FHIT: variants seen among roughly 807,000 people sequenced by gnomAD.
The protein encoded by FHIT is fragile histidine triad diadenosine triphosphatase.
A neutral mutation model predicts 17.9 loss-of-function variants in FHIT; 19 were observed. That is an observed-to-expected ratio of 1.06 (90% CI 0.74 to 1.56). The LOEUF is 1.56. Among genes scored for constraint, FHIT ranks in the 40% most tolerant of loss-of-function variants. FHIT has a pLI of 0.00. For missense variants in FHIT, 248 were observed against 189.2 expected, an observed-to-expected ratio of 1.31 and a Z score of -1.82; for synonymous variants, 81 against 69.7, an observed-to-expected ratio of 1.16 and a Z score of -0.81.
intron 3 of FHIT, among the ~76,000 whole-genome samples, chr3:60,885,504 T>A (rs987410127): frequency 3.9e-5 from 6 of 152,190 alleles, no homozygotes; most frequent in Admixed American, 2.6e-4. Context: ...ATAAGTATTT[T>A]AAAATATAAA....
intron 7 of FHIT, among the ~76,000 whole-genome samples, chr3:59,992,515 G>A (rs1699327677): frequency 6.6e-6 from 1 of 152,036 alleles, no homozygotes; most frequent in Admixed American, 6.6e-5. Flanking sequence ...AGGATTTTCA[G>A]AAACCTGCTA....
At chr3:59,860,484 G>A (rs1702359302) in intron 8 of FHIT, among the ~76,000 whole-genome samples, 1 of 152,198 alleles carries the variant, frequency 6.6e-6, no homozygotes, top group Non-Finnish European at 1.5e-5. Context: ...AAATTTTGAA[G>A]TGTTAGGTGT....
chr3:60,441,788 A>ATATATATATATT (rs2030882173), intron 5 of FHIT, among the ~76,000 whole-genome samples: 1 of 12,332 alleles, frequency 8.1e-5, no homozygotes, highest in Admixed American at 1.4e-3. Context: ...ATAAAAATAT[A>ATATATATATATT]TATATATATA....
At chr3:60,487,193 T>G (rs1048622482) in intron 5 of FHIT, among the ~76,000 whole-genome samples, 3 of 152,024 alleles carry the variant, frequency 2.0e-5, no homozygotes, top group Admixed American at 2.0e-4. Flanking sequence ...CTAGGCAAGT[T>G]AAAGTGCTGC....
At chr3:59,761,425 A>G (rs1701506757) in intron 8 of FHIT, among the ~76,000 whole-genome samples, 1 of 152,130 alleles carries the variant, frequency 6.6e-6, no homozygotes, top group Non-Finnish European at 1.5e-5. Context: ...ACTGAACCCT[A>G]TGTATGCTCT....
chr3:61,176,002 C>T (rs1052143933), intron 2 of FHIT, among the ~76,000 whole-genome samples: 2 of 152,226 alleles, frequency 1.3e-5, no homozygotes, highest in Admixed American at 1.3e-4. Context: ...CTTTTCTCAT[C>T]TTTGCATAAG....
rs192640767 is a variant in FHIT at position 61,123,161 on chromosome 3, C to T, written c.-164+77456G>A. 5.5e-3 allele frequency among the ~76,000 whole-genome samples: 838 copies of T among 152,192 alleles called. 8 individuals carry two copies. The highest frequency in any genetic ancestry group is 0.031 in the Middle Eastern group (9 of 294). On this transcript the variant is annotated intron_variant, in intron 2 of 9. Transcript: ENST00000492590. ...TGTGGCACATATACACCATGGAATA[C>T]GATGCAGCCATAAAAAAGGATGAGT...
intron 5 of FHIT, among the ~76,000 whole-genome samples, chr3:60,071,771 G>A (rs2630203): frequency 0.32 from 48,759 of 151,992 alleles, 8,542 homozygotes; most frequent in African/African-American, 0.45. Flanking sequence ...CATAATTCCC[G>A]TATGTTATGA....
chr3:61,230,578 TCA>T (rs2040075648), intron 1 of FHIT, among the ~76,000 whole-genome samples: 1 of 152,122 alleles, frequency 6.6e-6, no homozygotes, highest in Non-Finnish European at 1.5e-5. Flanking sequence ...CCTAATATCA[TCA>T]CACACTTAAA....
chr3:60,925,972 A>G (rs1434857287), intron 3 of FHIT, among the ~76,000 whole-genome samples: 2 of 152,232 alleles, frequency 1.3e-5, no homozygotes, highest in African/African-American at 4.8e-5. Flanking sequence ...CCATTACATA[A>G]TGGTAAAGGG....
chr3:60,279,821 G>C (rs1033579072), intron 5 of FHIT, among the ~76,000 whole-genome samples: 1 of 151,988 alleles, frequency 6.6e-6, no homozygotes, highest in Non-Finnish European at 1.5e-5. Flanking sequence ...CAGGAGGTCA[G>C]GAGATCAAGA....
intron 8 of FHIT, among the ~76,000 whole-genome samples, chr3:59,892,194 T>A (rs1212673210): frequency 6.6e-6 from 1 of 152,170 alleles, no homozygotes; most frequent in African/African-American, 2.4e-5. Flanking sequence ...GGGAGGGACA[T>A]AGCTGGTCAA....
intron 4 of FHIT, among the ~76,000 whole-genome samples, chr3:60,595,051 G>T (rs545616287): frequency 6.6e-6 from 1 of 152,060 alleles, no homozygotes; most frequent in Non-Finnish European, 1.5e-5. Flanking sequence ...GTCCCAAGGC[G>T]TCTACCTGGC....
chr3:60,578,553 A>G (rs1553658487), intron 4 of FHIT, among the ~76,000 whole-genome samples: 1 of 152,116 alleles, frequency 6.6e-6, no homozygotes, highest in East Asian at 1.9e-4. Context: ...ATTCTTATAA[A>G]GTACCTGCAT....
At chr3:60,106,712 G>T (rs376543639) in intron 5 of FHIT, among the ~76,000 whole-genome samples, 21 of 152,302 alleles carry the variant, frequency 1.4e-4, no homozygotes, top group African/African-American at 4.8e-4. Flanking sequence ...AAGGGTGCAT[G>T]TAGTGTACGC....
chr3:61,020,435 T>G (rs1299642115), intron 3 of FHIT, among the ~76,000 whole-genome samples: 1 of 152,224 alleles, frequency 6.6e-6, no homozygotes, highest in Admixed American at 6.5e-5. Flanking sequence ...TTCTGGATCT[T>G]AGCACTTTGT....
At chr3:60,089,150 G>T (rs1438857299) in intron 5 of FHIT, among the ~76,000 whole-genome samples, 3 of 152,144 alleles carry the variant, frequency 2.0e-5, no homozygotes, top group Non-Finnish European at 4.4e-5. Flanking sequence ...CACAGGAGAT[G>T]ATTTTGGATG....
intron 4 of FHIT, among the ~76,000 whole-genome samples, chr3:60,682,206 C>T (rs782366213): frequency 1.6e-4 from 25 of 152,172 alleles, no homozygotes; most frequent in Non-Finnish European, 2.6e-4. Flanking sequence ...CTCCTGACCT[C>T]ATTATTTGCC....
intron 5 of FHIT, among the ~76,000 whole-genome samples, chr3:60,154,538 C>G (rs1700598832): frequency 6.6e-6 from 1 of 152,164 alleles, no homozygotes; most frequent in Admixed American, 6.5e-5. Flanking sequence ...GCCAACAAAT[C>G]CACAATTCTG....
Sources: allele counts gnomAD v4.1 joint callset (sites outside exome capture counted in the v4.1 genomes callset), GRCh38; gene constraint gnomAD v4.1.1; transcripts MANE v1.5; gene names NCBI Gene and HGNC (gene_info 2026-07-23, HGNC 2026-07-21).